CDH2: variants seen among roughly 807,000 people sequenced by gnomAD.
CDH2 encodes cadherin 2.
A neutral mutation model predicts 92.0 loss-of-function variants in CDH2; 17 were observed. The observed-to-expected ratio is 0.18, with a 90% CI of 0.13 to 0.28. CDH2 has a LOEUF of 0.28. CDH2 is among the 10% of genes least tolerant of loss of function. The probability of loss-of-function intolerance (pLI) is 1.00; values close to 1 mark genes in which losing one functional copy is unlikely to be tolerated. For synonymous variants in CDH2, 419 were observed against 415.9 expected (o/e 1.01, Z -0.09); for missense variants, 862 against 1,133.1 (o/e 0.76, Z 3.44).
intron 2 of CDH2, among the ~76,000 whole-genome samples, chr18:28,047,103 T>TC (rs1567977833): frequency 6.6e-6 from 1 of 152,188 alleles, no homozygotes; most frequent in Non-Finnish European, 1.5e-5. Flanking sequence ...AGCTTTGTAA[T>TC]CTGCCAGGCT....
At chr18:27,981,936 T>C (rs2012069973) in intron 14 of CDH2, among the ~76,000 whole-genome samples, 2 of 152,202 alleles carry the variant, frequency 1.3e-5, no homozygotes, top group African/African-American at 4.8e-5. Context: ...CATAGTGATT[T>C]CTCATGGATT....
intron 14 of CDH2, among the ~76,000 whole-genome samples, chr18:27,967,498 A>G (rs1319136269): frequency 3.9e-5 from 6 of 152,214 alleles, no homozygotes; most frequent in African/African-American, 1.4e-4. Context: ...TGAAGATTAT[A>G]AACAATCCAA....
At chr18:28,120,549 A>G (rs1035469235) in intron 2 of CDH2, among the ~76,000 whole-genome samples, 1 of 152,114 alleles carries the variant, frequency 6.6e-6, no homozygotes, top group African/African-American at 2.4e-5. Context: ...CATGACCAGA[A>G]TTGATATTTC....
intron 2 of CDH2, among the ~76,000 whole-genome samples, chr18:28,067,725 A>G (rs1340584264): frequency 6.6e-6 from 1 of 152,126 alleles, no homozygotes; most frequent in Non-Finnish European, 1.5e-5. Context: ...TATTCATCCA[A>G]TCAAGGCATA....
In CDH2 at chr18:27,985,120, G is replaced by A. The variant is rs754165315; in HGVS notation, c.2089C>T (p.Arg697Cys). The change falls in exon 13 of 16, where the codon CGT becomes TGT. Residue 697 changes from arginine to cysteine, a missense_variant. By Grantham distance (180) the Arg-to-Cys change is radical. Coordinates refer to ENST00000269141, the MANE Select transcript of CDH2 (RefSeq NM_001792.5). ...NPPKSNISIL[R>C]VKVCQCDSNG... is the part of the protein sequence containing the mutation. Reference sequence around the variant, plus strand: ...GAGTCACACTGGCAAACCTTCACACGCAGGATGGAAATATTTGATTTGGGA... The same window carrying A: ...GAGTCACACTGGCAAACCTTCACACACAGGATGGAAATATTTGATTTGGGA... 30 of 1,613,378 alleles carry A rather than the reference G, an allele frequency of 1.9e-5. No homozygotes were observed. The highest frequency in any genetic ancestry group is 4.5e-5 in the East Asian group (2 of 44,874).
At position 28,007,165 on chromosome 18, in the gene CDH2, AAT is replaced by A. The variant is rs1555632742; in HGVS notation, c.703-1174_703-1173del. Among the ~76,000 whole-genome samples the A allele has an allele frequency of 3.9e-3, 435 of 110,386 alleles. 8 individuals are homozygous for A. The highest frequency in any genetic ancestry group is 0.018 in the South Asian group (60 of 3,382). The allele number at this position is 110,386 out of a possible 152,430, so 72.4% of individuals were successfully genotyped here. A position where few individuals can be genotyped will look rare whatever the true frequency, so the allele number is the denominator to read the frequency against. Reference sequence around the variant, plus strand: ...ACAGAGTGAGACTCCATAAAAAAAAAATATATATATATATATATATATATATA... The same window carrying A: ...ACAGAGTGAGACTCCATAAAAAAAAAATATATATATATATATATATATATA... On this transcript the variant is annotated intron_variant, in intron 5 of 15. Coordinates refer to ENST00000269141, the MANE Select transcript of CDH2 (RefSeq NM_001792.5).
At chr18:27,939,526 C>T (rs1166614901) in intron 6 of CDH2, among the ~76,000 whole-genome samples, 1 of 152,130 alleles carries the variant, frequency 6.6e-6, no homozygotes, top group African/African-American at 2.4e-5. Context: ...GTCGAACTTT[C>T]CCATGCTGTT....
intron 5 of CDH2, among the ~76,000 whole-genome samples, chr18:28,006,585 G>A (rs2144019551): frequency 6.6e-6 from 1 of 151,688 alleles, no homozygotes; most frequent in East Asian, 2.0e-4. Flanking sequence ...AATTAGCTGG[G>A]CCTGGTGGCA....
At chr18:28,068,684 C>T (rs1307243187) in intron 2 of CDH2, among the ~76,000 whole-genome samples, 2 of 152,114 alleles carry the variant, frequency 1.3e-5, no homozygotes, top group Non-Finnish European at 2.9e-5. Context: ...CATTAGCAAC[C>T]ATCACGCAGT....
At chr18:28,102,169 CCT>C (rs2015237824) in intron 2 of CDH2, among the ~76,000 whole-genome samples, 1 of 152,058 alleles carries the variant, frequency 6.6e-6, no homozygotes, top group African/African-American at 2.4e-5. Flanking sequence ...CTGTTTCCTC[CCT>C]CTCTTTGGGA....
chr18:28,164,431 A>G (rs546159288), intron 1 of CDH2, among the ~76,000 whole-genome samples: 1 of 152,350 alleles, frequency 6.6e-6, no homozygotes, highest in South Asian at 2.1e-4. Flanking sequence ...CTATTAGAAT[A>G]GAAAGATGCT....
At chr18:28,148,212 T>C (rs1205048140) in intron 1 of CDH2, among the ~76,000 whole-genome samples, 1 of 152,166 alleles carries the variant, frequency 6.6e-6, no homozygotes, top group Non-Finnish European at 1.5e-5. Context: ...TAATTTTCTA[T>C]AAAACTGGTT....
At chr18:27,985,289 A>G in intron 12 of CDH2, 56 bp from the exon 13 acceptor site, 3 of 1,015,346 alleles carry the variant, frequency 3.0e-6, no homozygotes, top group Non-Finnish European at 4.5e-6. Context: ...CGATAAAAAA[A>G]CACATAGCAT....
chr18:28,174,434 C>T (rs1319836977), intron 1 of CDH2, among the ~76,000 whole-genome samples: 2 of 152,162 alleles, frequency 1.3e-5, no homozygotes, highest in Non-Finnish European at 2.9e-5. Flanking sequence ...GTAAACTGCT[C>T]TGCTTCCACT....
At chr18:28,022,770 CT>C (rs143181224) in intron 2 of CDH2, among the ~76,000 whole-genome samples, 2 of 151,968 alleles carry the variant, frequency 1.3e-5, no homozygotes, top group Non-Finnish European at 2.9e-5. Context: ...AGTTTTAATA[CT>C]TTTTTTAGGT....
At position 28,043,495 on chromosome 18, in the gene CDH2, A is replaced by ATATAT. The variant is rs1567976503; in HGVS notation, c.173-29587_173-29586insATATA. Among the ~76,000 whole-genome samples, 174 of 87,206 alleles carry ATATAT rather than the reference A, an allele frequency of 2.0e-3. 5 individuals are homozygous for ATATAT. Among genetic ancestry groups the ATATAT allele is most frequent in the Non-Finnish European group, 2.9e-3 (125 of 43,808 alleles). The allele number at this position is 87,206 out of a possible 152,430, so 57.2% of individuals were successfully genotyped here. On this transcript the variant is annotated intron_variant, in intron 2 of 15. Coordinates refer to ENST00000269141, the MANE Select transcript of CDH2 (RefSeq NM_001792.5). ...ATATATATATATATATATATATATA[A>ATATAT]ATATATATATATATATATATAAACA...
chr18:28,013,929 G>A lies in CDH2; in HGVS notation c.173-20C>T. 1 of 1,574,948 alleles carries A rather than the reference G, an allele frequency of 6.3e-7. No homozygotes were observed. Among genetic ancestry groups the A allele is most frequent in the Non-Finnish European group, 8.7e-7 (1 of 1,151,934 alleles). On this transcript the variant is annotated intron_variant, in intron 2 of 15. Transcript: ENST00000269141. ...ACTTCACTGTAAAAGATAAGAAATA[G>A]GTCAGTTATTATAATTATACCAAAA...
At chr18:28,001,591 CAT>C (rs138921758) in intron 7 of CDH2, among the ~76,000 whole-genome samples, 2,996 of 152,234 alleles carry the variant, frequency 0.02, 61 homozygotes, top group African/African-American at 0.039. Flanking sequence ...AAAATATACA[CAT>C]GTTACTGAAC....
intron 2 of CDH2, among the ~76,000 whole-genome samples, chr18:28,104,869 GGAT>G (rs1568000015): frequency 1.3e-5 from 2 of 151,748 alleles, no homozygotes; most frequent in African/African-American, 2.4e-5. Context: ...TGATTATCTT[GGAT>G]GATAATTTTA....
Sources: gnomAD v4.1 joint callset for allele counts (sites outside exome capture counted in the v4.1 genomes callset) on GRCh38, gnomAD v4.1.1 for gene constraint, MANE v1.5 for transcripts, NCBI Gene and HGNC (gene_info 2026-07-23, HGNC 2026-07-21) for gene names.